The following LRP1 variants were observed in gnomAD, a reference collection of about 807,000 sequenced individuals.
LRP1 encodes the protein LDL receptor related protein 1, also known as prolow-density lipoprotein receptor-related protein 1.
LRP1 carries 51 observed loss-of-function variants against 541.5 expected under a neutral mutation model. That is an observed-to-expected ratio of 0.09 (90% CI 0.08 to 0.12). The LOEUF is 0.12. Among genes scored for constraint, LRP1 ranks in the 10% least tolerant of loss-of-function variants. The probability of loss-of-function intolerance (pLI) is 1.00; values close to 1 mark genes in which losing one functional copy is unlikely to be tolerated. For synonymous variants in LRP1, 2,219 were observed against 2,470.8 expected, an observed-to-expected ratio of 0.90 and a Z score of 3.02; for missense variants, 3,878 against 6,376.2, an observed-to-expected ratio of 0.61 and a Z score of 13.34.
intron 4 of LRP1, chr12:57,144,677 A>G (rs1279553988): frequency 2.3e-6 from 1 of 427,612 alleles, no homozygotes; most frequent in Non-Finnish European, 4.3e-6. Flanking sequence ...GAGGACAGCA[A>G]TGTGGGTCTA....
At position 57,212,650 on chromosome 12, in the gene LRP1, C is replaced by A; in HGVS notation, c.*95C>A. ...CTCCCCAGCCAGCCCTTCCCTGGCC[C>A]CGCCGGATGTATAAATGTAAAAATG... On this transcript the variant is annotated 3_prime_UTR_variant, in exon 89 of 89. Coordinates refer to ENST00000243077, the MANE Select transcript of LRP1 (RefSeq NM_002332.3). The surrounding 1 kb of genome is among the most constrained non-coding windows in gnomAD (Gnocchi z 5.0). 7.9e-7 allele frequency: 1 copy of A among 1,263,740 alleles called. No homozygotes were observed. The highest frequency in any genetic ancestry group is 1.1e-6 in the Non-Finnish European group (1 of 918,800). 78.3% of individuals were successfully genotyped at this position (1,263,740 alleles called of 1,614,324 possible).
At chr12:57,199,811 A>T in intron 61 of LRP1, 66 bp from the exon 62 acceptor site, 1 of 1,532,380 alleles carries the variant, frequency 6.5e-7, no homozygotes. Flanking sequence ...TCCAGGATAG[A>T]GTGAGTGAGG....
At position 57,212,342 on chromosome 12, in the gene LRP1, G is replaced by A; in HGVS notation, c.13495-73G>A. 1 of 1,613,526 alleles carries A rather than the reference G, an allele frequency of 6.2e-7. No homozygotes were observed. The highest frequency in any genetic ancestry group is 8.5e-7 in the Non-Finnish European group (1 of 1,179,770). On this transcript the variant is annotated intron_variant, in intron 88 of 88. Transcript: ENST00000243077. This position sits in a 1 kb window ranked among gnomAD's most constrained non-coding sequence, Gnocchi z 5.0. ...AAGGTGTTGGGTTAGGTGAGGGACGGAGGTGGGGGTGGGGTAACCTGGGCT... is the reference window on the plus strand; with the variant it reads ...AAGGTGTTGGGTTAGGTGAGGGACGAAGGTGGGGGTGGGGTAACCTGGGCT...
At chr12:57,172,644 C>A (rs540907567) in intron 20 of LRP1, among the ~76,000 whole-genome samples, 6 of 152,338 alleles carry the variant, frequency 3.9e-5, no homozygotes, top group Admixed American at 3.9e-4. Context: ...TCTTACCTGA[C>A]AGATCACCCC....
chr12:57,202,222 C>A (rs2036671571), intron 67 of LRP1, among the ~76,000 whole-genome samples, 199 bp from the exon 68 acceptor site: 1 of 152,128 alleles, frequency 6.6e-6, no homozygotes, highest in Non-Finnish European at 1.5e-5. Flanking sequence ...TGCCCACACA[C>A]ACACCCCCAA....
In LRP1 at chr12:57,212,642, C is replaced by T; in HGVS notation, c.*87C>T. The T allele has an allele frequency of 5.2e-6, 7 of 1,349,840 alleles. No homozygotes were observed. Among genetic ancestry groups the T allele is most frequent in the Non-Finnish European group, 7.1e-6 (7 of 992,562 alleles). The allele number at this position is 1,349,840 out of a possible 1,614,324, so 83.6% of individuals were successfully genotyped here. On this transcript the variant is annotated 3_prime_UTR_variant, in exon 89 of 89. Transcript: ENST00000243077. The surrounding 1 kb of genome is among the most constrained non-coding windows in gnomAD (Gnocchi z 5.0). ...GTGAGCCCCTCCCCAGCCAGCCCTTCCCTGGCCCCGCCGGATGTATAAATG... is the reference window on the plus strand; with the variant it reads ...GTGAGCCCCTCCCCAGCCAGCCCTTTCCTGGCCCCGCCGGATGTATAAATG...
chr12:57,204,577 C>T lies in LRP1; in HGVS notation c.11071+48C>T. 1 of 1,609,360 alleles carries T rather than the reference C, an allele frequency of 6.2e-7. No homozygotes were observed. On this transcript the variant is annotated intron_variant, in intron 71 of 88. Coordinates refer to ENST00000243077, the MANE Select transcript of LRP1 (RefSeq NM_002332.3). The surrounding 1 kb of genome is among the most constrained non-coding windows in gnomAD (Gnocchi z 5.3). ...CAGGCTTCCCAGTGGCCAGCAACCA[C>T]CCCCACTCCCAAGACTAATTCTGGC...
At chr12:57,199,696 A>AGCTG (rs1323051343) in intron 61 of LRP1, among the ~76,000 whole-genome samples, 181 bp from the exon 62 acceptor site, 1 of 152,130 alleles carries the variant, frequency 6.6e-6, no homozygotes, top group Non-Finnish European at 1.5e-5. Context: ...GGAGGTGGGG[A>AGCTG]GCTGGCCTTC....
In LRP1 at chr12:57,178,305, T is replaced by G. The variant is rs2036090822; in HGVS notation, c.4362-54T>G. Reference sequence around the variant, plus strand: ...CAGAGGGTGGGCACCTGGGCAGAGCTCTGAGGGCTGAGATCCCAGCTGGCA... The same window carrying G: ...CAGAGGGTGGGCACCTGGGCAGAGCGCTGAGGGCTGAGATCCCAGCTGGCA... On this transcript the variant is annotated intron_variant, in intron 26 of 88. Transcript: ENST00000243077. The surrounding 1 kb of genome is among the most constrained non-coding windows in gnomAD (Gnocchi z 5.8). 2 of 1,578,078 alleles carry G rather than the reference T, an allele frequency of 1.3e-6. No homozygotes were observed. The highest frequency in any genetic ancestry group is 2.7e-5 in the African/African-American group (2 of 74,566).
chr12:57,211,310 G>T lies in LRP1; in HGVS notation c.13051G>T (p.Ala4351Ser). The T allele has an allele frequency of 6.2e-7, 1 of 1,614,188 alleles. No homozygotes were observed. ...CAAGTGCAGCCGCTGTCTCGAAGGG[G>T]CCTGTGTGGTCAACAAGCAGAGTGG... ...VNKCSRCLEG[A>S]CVVNKQSGDV... The change falls in exon 84 of 89, where the codon GCC becomes TCC. Residue 4351 changes from alanine to serine, a missense_variant. Coordinates refer to ENST00000243077, the MANE Select transcript of LRP1 (RefSeq NM_002332.3). This position sits in a 1 kb window ranked among gnomAD's most constrained non-coding sequence, Gnocchi z 4.3.
intron 6 of LRP1, among the ~76,000 whole-genome samples, chr12:57,151,024 G>A (rs752491837): frequency 2.7e-5 from 4 of 149,750 alleles, no homozygotes; most frequent in Non-Finnish European, 6.0e-5. Flanking sequence ...GTGTGTAGAT[G>A]TGTTGGGTGA....
At chr12:57,176,132 G>T in intron 24 of LRP1, 26 bp downstream of exon 24, 1 of 1,612,390 alleles carries the variant, frequency 6.2e-7, no homozygotes. Context: ...TGCCAGGCAG[G>T]ATGCACACAG....
At chr12:57,209,041 G>T (rs372649668) in intron 78 of LRP1, 42 bp from the exon 79 acceptor site, 6 of 1,529,110 alleles carry the variant, frequency 3.9e-6, no homozygotes, top group African/African-American at 1.4e-5. Context: ...CCGAGCCTGG[G>T]TTGGGGAGGC....
intron 22 of LRP1, 119 bp from the exon 23 acceptor site, chr12:57,175,341 G>A (rs899202124): frequency 2.8e-5 from 33 of 1,198,634 alleles, no homozygotes; most frequent in Middle Eastern, 2.0e-4. Context: ...GAATGGGGCC[G>A]TGGGCAGGGC....
Position 57,156,396 on chromosome 12 carries a change from T to C in LRP1, c.1417+113T>C, listed in dbSNP as rs1046659695. 1 of 1,115,926 alleles carries C rather than the reference T, an allele frequency of 9.0e-7. No homozygotes were observed. The highest frequency in any genetic ancestry group is 1.6e-5 in the South Asian group (1 of 62,396). The allele number at this position is 1,115,926 out of a possible 1,614,324, so 69.1% of individuals were successfully genotyped here. A position where few individuals can be genotyped will look rare whatever the true frequency, so the allele number is the denominator to read the frequency against. On this transcript the variant is annotated intron_variant, in intron 9 of 88. Coordinates refer to ENST00000243077, the MANE Select transcript of LRP1 (RefSeq NM_002332.3). The surrounding 1 kb of genome is among the most constrained non-coding windows in gnomAD (Gnocchi z 5.2). ...CCTGTGGGGACCCTGGCTTCTTTCA[T>C]GTCATGACCGATTCTCCTAGCCAGC...
rs767948317 is a variant in LRP1, at chr12:57,141,486, C to T, written c.303C>T (p.Gly101=). ...LCNGVQDCMD[G]SDEGPHCREL... Reference sequence around the variant, plus strand: ...ATGGGGTCCAGGACTGCATGGACGGCTCAGATGAGGGGCCCCACTGCCGAG... The same window carrying T: ...ATGGGGTCCAGGACTGCATGGACGGTTCAGATGAGGGGCCCCACTGCCGAG... Residue 101 remains glycine (G), a synonymous_variant, in exon 3 of 89, where the codon GGC becomes GGT. Coordinates refer to ENST00000243077, the MANE Select transcript of LRP1 (RefSeq NM_002332.3). 6.2e-7 allele frequency: 1 copy of T among 1,614,210 alleles called. No individual in the cohort carries two copies. Among genetic ancestry groups the T allele is most frequent in the Non-Finnish European group, 8.5e-7 (1 of 1,180,038 alleles).
chr12:57,174,040 G>A, intron 22 of LRP1, 60 bp downstream of exon 22: 3 of 1,545,930 alleles, frequency 1.9e-6, no homozygotes, highest in Admixed American at 3.6e-5. Context: ...CTGGGCCAAG[G>A]ACAGTCTTTG....
At chr12:57,193,364 C>G in intron 46 of LRP1, 60 bp downstream of exon 46, 3 of 1,590,710 alleles carry the variant, frequency 1.9e-6, no homozygotes, top group Non-Finnish European at 2.6e-6. Flanking sequence ...CCTCCTCCCC[C>G]AGGCCCCTGC....
rs1042313114 is a variant in LRP1, at chr12:57,211,039, C to G, written c.12917-137C>G. The G allele has an allele frequency of 1.5e-6, 2 of 1,371,822 alleles. No individual in the cohort carries two copies. Among genetic ancestry groups the G allele is most frequent in the African/African-American group, 1.4e-5 (1 of 69,728 alleles). 85.0% of individuals were successfully genotyped at this position (1,371,822 alleles called of 1,614,324 possible). The stretch of plus-strand genomic sequence containing the variant: ...GGCCCAAGCTGCTGGCGCTTCCCCA[C>G]AAAGGTGCTGGCACACTTCCCCTGA... On this transcript the variant is annotated intron_variant, in intron 83 of 88. Coordinates refer to ENST00000243077, the MANE Select transcript of LRP1 (RefSeq NM_002332.3). This position sits in a 1 kb window ranked among gnomAD's most constrained non-coding sequence, Gnocchi z 4.3.
Sources: gnomAD v4.1 joint callset for allele counts (sites outside exome capture counted in the v4.1 genomes callset) on GRCh38, gnomAD v4.1.1 for gene constraint, Gnocchi (gnomAD v3.1) non-coding constraint, MANE v1.5 for transcripts, NCBI Gene and HGNC (gene_info 2026-07-23, HGNC 2026-07-21) for gene names.